The following SLC9A9 variants were observed in gnomAD, a reference collection of about 807,000 sequenced individuals.
SLC9A9 encodes sodium/hydrogen exchanger 9.
Under a neutral mutation model 77.8 loss-of-function variants are expected in SLC9A9, and 62 were observed. That is an observed-to-expected ratio of 0.80 (90% confidence interval 0.65 to 0.98). SLC9A9 has a LOEUF of 0.98. Ranked by LOEUF, SLC9A9 falls within the 50% of genes least tolerant of loss-of-function variation. The probability of loss-of-function intolerance (pLI) is 0.00; values close to 1 mark genes in which losing one functional copy is unlikely to be tolerated. For missense variants in SLC9A9, 775 were observed against 774.9 expected (o/e 1.00, Z 0.00); for synonymous variants, 320 against 283.5 (o/e 1.13, Z -1.29).
intron 1 of SLC9A9, among the ~76,000 whole-genome samples, chr3:143,844,713 CTT>C (rs1559824722): frequency 6.2e-4 from 3 of 4,812 alleles, no homozygotes; most frequent in African/African-American, 1.3e-3. Flanking sequence ...CTTTCTTTCT[CTT>C]TCTTTCTTTC....
chr3:143,596,849 T>C (rs1374874415), intron 6 of SLC9A9, among the ~76,000 whole-genome samples: 1 of 152,058 alleles, frequency 6.6e-6, no homozygotes, highest in Non-Finnish European at 1.5e-5. Flanking sequence ...TTTGTAGAGA[T>C]TGAGGTCTCA....
chr3:143,545,888 T>G (rs533980936), intron 9 of SLC9A9, among the ~76,000 whole-genome samples: 12 of 152,338 alleles, frequency 7.9e-5, no homozygotes, highest in African/African-American at 2.4e-4. Flanking sequence ...TTTAATCAAG[T>G]GATCCCTACT....
intron 12 of SLC9A9, among the ~76,000 whole-genome samples, chr3:143,407,993 C>A (rs372132893): frequency 6.6e-6 from 1 of 152,152 alleles, no homozygotes; most frequent in African/African-American, 2.4e-5. Flanking sequence ...TAAGTTCCTG[C>A]GGAGGGCTTT....
rs182443745 is a variant in SLC9A9, at chr3:143,492,108, C to T, written c.1315+1545G>A. On this transcript the variant is annotated intron_variant, in intron 11 of 15. Transcript: ENST00000316549. ...GAGATCGAGACCATCCTGGCTAACA[C>T]GGTGAAACCCCGTCTCTACTAAAAA... Among the ~76,000 whole-genome samples the T allele has an allele frequency of 2.6e-3, 399 of 151,590 alleles. 1 individual carries two copies. The highest frequency in any genetic ancestry group is 8.9e-3 in the African/African-American group (370 of 41,342).
chr3:143,759,204 G>T (rs2007029467), intron 4 of SLC9A9, among the ~76,000 whole-genome samples: 1 of 152,018 alleles, frequency 6.6e-6, no homozygotes, highest in Admixed American at 6.6e-5. Context: ...GCTATTTCCT[G>T]GATGACAGAC....
intron 14 of SLC9A9, among the ~76,000 whole-genome samples, chr3:143,338,075 A>AT (rs779434480): frequency 3.9e-5 from 6 of 152,194 alleles, no homozygotes; most frequent in Non-Finnish European, 8.8e-5. Flanking sequence ...ATATACTCAC[A>AT]TATCTTTGGA....
intron 7 of SLC9A9, 108 bp downstream of exon 7, chr3:143,578,477 A>C (rs2037399529): frequency 2.6e-6 from 4 of 1,545,984 alleles, no homozygotes; most frequent in Admixed American, 3.5e-5. Flanking sequence ...AACTTGGACC[A>C]GACTATCTAG....
rs1399443749 is a variant in SLC9A9, at chr3:143,517,373, G to A, written c.1090-21925C>T. The A allele has an allele frequency of 2.1e-6, 3 of 1,436,446 alleles. No homozygotes were observed. In the African/African-American group the frequency reaches 4.2e-5, roughly 20 times the overall value. The allele number at this position is 1,436,446 out of a possible 1,614,324, so 89.0% of individuals were successfully genotyped here. On this transcript the variant is annotated intron_variant, in intron 9 of 15. Coordinates refer to ENST00000316549, the MANE Select transcript of SLC9A9 (RefSeq NM_173653.4). The stretch of plus-strand genomic sequence containing the variant: ...AGGAAAATTACCAGGCATTCTCCCA[G>A]GAAAGCCACCTGGAAAAGAGCCATA...
chr3:143,305,120 G>A (rs2030721915), intron 14 of SLC9A9, among the ~76,000 whole-genome samples: 1 of 152,148 alleles, frequency 6.6e-6, no homozygotes, highest in African/African-American at 2.4e-5. Flanking sequence ...ATCAATATCT[G>A]TTTGCTCAAG....
chr3:143,375,293 C>T (rs1429657850), intron 13 of SLC9A9, among the ~76,000 whole-genome samples: 2 of 139,958 alleles, frequency 1.4e-5, no homozygotes, highest in African/African-American at 3.3e-5. Flanking sequence ...ATTAGAGGTG[C>T]CATTTTTTCA....
chr3:143,516,358 A>T (rs1268062963), intron 9 of SLC9A9, among the ~76,000 whole-genome samples: 1 of 151,708 alleles, frequency 6.6e-6, no homozygotes, highest in African/African-American at 2.4e-5. Context: ...TTCAGCTTTT[A>T]TCTTTATTTT....
intron 9 of SLC9A9, among the ~76,000 whole-genome samples, chr3:143,535,234 G>C (rs776633527): frequency 1.3e-5 from 2 of 152,166 alleles, no homozygotes; most frequent in Non-Finnish European, 2.9e-5. Flanking sequence ...AGAATAGACA[G>C]ACTGGAGCAA....
chr3:143,655,424 A>G, intron 5 of SLC9A9: 1 of 967,072 alleles, frequency 1.0e-6, no homozygotes, highest in Non-Finnish European at 1.2e-6. Context: ...TAGGAAGGGG[A>G]AAAGATGCAA....
At chr3:143,359,040 C>T (rs1427782715) in intron 14 of SLC9A9, among the ~76,000 whole-genome samples, 4 of 151,848 alleles carry the variant, frequency 2.6e-5, no homozygotes, top group African/African-American at 9.7e-5. Flanking sequence ...TGGCTGTCTA[C>T]ACAGGGTAGC....
At chr3:143,665,543 G>C (rs760069276) in intron 5 of SLC9A9, among the ~76,000 whole-genome samples, 1 of 152,134 alleles carries the variant, frequency 6.6e-6, no homozygotes, top group Non-Finnish European at 1.5e-5. Context: ...GAATCCAGGA[G>C]CTAGTTTTTT....
intron 6 of SLC9A9, among the ~76,000 whole-genome samples, chr3:143,596,709 C>T (rs1243669304): frequency 6.6e-6 from 1 of 152,116 alleles, no homozygotes; most frequent in Non-Finnish European, 1.5e-5. Context: ...GTCACCCAAG[C>T]TGGAGTACAG....
intron 12 of SLC9A9, among the ~76,000 whole-genome samples, chr3:143,448,779 G>T (rs1037044337): frequency 7.1e-6 from 1 of 141,360 alleles, no homozygotes; most frequent in Admixed American, 7.6e-5. Context: ...GATTATTCCA[G>T]TATAATATGC....
At chr3:143,401,473 T>C (rs1457305193) in intron 12 of SLC9A9, among the ~76,000 whole-genome samples, 5 of 152,166 alleles carry the variant, frequency 3.3e-5, no homozygotes, top group Non-Finnish European at 7.4e-5. Flanking sequence ...ATCAGACTAG[T>C]GTAGAAAGCT....
chr3:143,376,008 T>A (rs2033174002), intron 13 of SLC9A9, among the ~76,000 whole-genome samples: 1 of 152,126 alleles, frequency 6.6e-6, no homozygotes, highest in Non-Finnish European at 1.5e-5. Flanking sequence ...CAACCCTTGC[T>A]GGGAGGAAGT....
Sources: gnomAD v4.1 joint callset for allele counts (sites outside exome capture counted in the v4.1 genomes callset) on GRCh38, gnomAD v4.1.1 for gene constraint, MANE v1.5 for transcripts, NCBI Gene and HGNC (gene_info 2026-07-23, HGNC 2026-07-21) for gene names.